The following BCAR3 variants were observed in gnomAD, a reference collection of about 807,000 sequenced individuals.
BCAR3 encodes BCAR3 adaptor protein, NSP family member, also known as breast cancer anti-estrogen resistance protein 3.
In BCAR3, 37 loss-of-function variants were observed where a neutral mutation model predicts 80.1. That is an observed-to-expected ratio of 0.46 (90% CI 0.36 to 0.61). The LOEUF is 0.61. Among genes scored for constraint, BCAR3 ranks in the 20% least tolerant of loss-of-function variants. The pLI is 0.00. For missense variants in BCAR3, 978 were observed against 1,068.2 expected, an observed-to-expected ratio of 0.92 and a Z score of 1.18; for synonymous variants, 389 against 418.9, an observed-to-expected ratio of 0.93 and a Z score of 0.87.
intron 2 of BCAR3, among the ~76,000 whole-genome samples, chr1:93,728,774 G>A (rs1016366722): frequency 2.0e-5 from 3 of 152,060 alleles, no homozygotes; most frequent in Non-Finnish European, 4.4e-5. Flanking sequence ...TTCCTCCACC[G>A]ATCTGCTTCT....
chr1:93,735,577 A>G (rs950428665), intron 2 of BCAR3, among the ~76,000 whole-genome samples: 1 of 152,236 alleles, frequency 6.6e-6, no homozygotes, highest in African/African-American at 2.4e-5. Flanking sequence ...ATCATTTTAT[A>G]TTTTGTAGAC....
intron 2 of BCAR3, among the ~76,000 whole-genome samples, chr1:93,836,687 G>A (rs1037710576): frequency 6.6e-6 from 1 of 151,998 alleles, no homozygotes; most frequent in Admixed American, 6.5e-5. Context: ...GGAATGTCAG[G>A]CCTGAGCCCA....
At chr1:93,752,401 A>C (rs1651589432) in intron 2 of BCAR3, among the ~76,000 whole-genome samples, 1 of 152,234 alleles carries the variant, frequency 6.6e-6, no homozygotes, top group Admixed American at 6.5e-5. Flanking sequence ...CTACCTGGGC[A>C]TTGGAAATAC....
At position 93,662,466 on chromosome 1, in the gene BCAR3, T is replaced by TA. The variant is rs1557644827; in HGVS notation, c.317+12147_317+12148insT. On this transcript the variant is annotated intron_variant, in intron 2 of 11. Coordinates refer to ENST00000260502, the MANE Select transcript of BCAR3 (RefSeq NM_003567.4). Reference sequence around the variant, plus strand: ...TCAAAATACCAAGATCTCTTTTTTTTTAAAAAAAAATCTCATTTCTGTTGC... The same window carrying TA: ...TCAAAATACCAAGATCTCTTTTTTTTATAAAAAAAAATCTCATTTCTGTTGC... 1.6e-4 allele frequency among the ~76,000 whole-genome samples: 25 copies of TA among 152,142 alleles called. 1 individual carries two copies. The East Asian group carries it at 2.3e-3, about 14-fold the overall frequency.
At chr1:93,817,180 C>G (rs1255252254) in intron 2 of BCAR3, among the ~76,000 whole-genome samples, 1 of 152,206 alleles carries the variant, frequency 6.6e-6, no homozygotes, top group Non-Finnish European at 1.5e-5. Flanking sequence ...CATGTTTCTG[C>G]AGGAGTTTGA....
At chr1:93,790,786 A>G (rs1325010001) in intron 2 of BCAR3, among the ~76,000 whole-genome samples, 1 of 104,652 alleles carries the variant, frequency 9.6e-6, no homozygotes, top group African/African-American at 4.4e-5. Context: ...TATATCTCCC[A>G]ATGCTATCCC....
At chr1:93,590,042 C>A (rs578228910) in intron 4 of BCAR3, among the ~76,000 whole-genome samples, 6 of 152,120 alleles carry the variant, frequency 3.9e-5, no homozygotes, top group Non-Finnish European at 8.8e-5. Context: ...CAGGCCTGGC[C>A]AGTGGGGAGG....
intron 2 of BCAR3, among the ~76,000 whole-genome samples, chr1:93,758,126 G>A (rs1366860070): frequency 3.9e-5 from 6 of 152,194 alleles, no homozygotes; most frequent in Non-Finnish European, 7.3e-5. Flanking sequence ...GGGAAGGACC[G>A]ACCCATCAGC....
At chr1:93,822,104 T>C (rs1325165560) in intron 2 of BCAR3, among the ~76,000 whole-genome samples, 1 of 151,716 alleles carries the variant, frequency 6.6e-6, no homozygotes, top group African/African-American at 2.4e-5. Context: ...CCAGAAACAG[T>C]GTGGGCAAAG....
chr1:93,656,258 C>G (rs1283277213), intron 2 of BCAR3, among the ~76,000 whole-genome samples: 1 of 151,898 alleles, frequency 6.6e-6, no homozygotes, highest in Non-Finnish European at 1.5e-5. Context: ...TTTCCTTTCT[C>G]TCAATTTTCT....
intron 2 of BCAR3, among the ~76,000 whole-genome samples, chr1:93,830,314 A>AGCTGGGCG (rs1480779186): frequency 6.6e-6 from 1 of 152,176 alleles, no homozygotes; most frequent in Non-Finnish European, 1.5e-5. Flanking sequence ...TACAAAAATT[A>AGCTGGGCG]GCTGGGCGTG....
At chr1:93,686,453 T>C (rs997557428), upstream of BCAR3, among the ~76,000 whole-genome samples, 6 of 152,238 alleles carry the variant, frequency 3.9e-5, no homozygotes, top group African/African-American at 1.4e-4. Context: ...ACAATTACGA[T>C]AACATTAGCT....
At position 93,576,117 on chromosome 1, in the gene BCAR3, G is replaced by A. The variant is rs776904312; in HGVS notation, c.1699C>T (p.Leu567Phe). The change falls in exon 8 of 12, where the codon CTT becomes TTT. Residue 567 changes from leucine (L) to phenylalanine (F), a missense_variant. Transcript: ENST00000260502. ...CTCCTCATCTCTTCAGAGACTCCAA[G>A]TATCCTAGCAACCTGTCAAGAGCCA... The part of the protein sequence containing the change: ...LSMDCRVARI[L>F]GVSEEMRRNM... 3.1e-6 allele frequency: 5 copies of A among 1,614,010 alleles called. No homozygotes were observed. In the East Asian group the frequency reaches 1.1e-4, roughly 36 times the overall value.
intron 3 of BCAR3, among the ~76,000 whole-genome samples, chr1:93,619,100 ATTT>A (rs34715455): frequency 0.011 from 1,431 of 126,714 alleles, 23 homozygotes; most frequent in African/African-American, 0.041. Context: ...CACCACGCCA[ATTT>A]TTTTTTTTTT....
chr1:93,567,265 A>G lies in BCAR3; in HGVS notation c.2299+14T>C, dbSNP rs1024376865. 6 of 1,613,136 alleles carry G rather than the reference A, an allele frequency of 3.7e-6. No homozygotes were observed. The highest frequency in any genetic ancestry group is 5.1e-6 in the Non-Finnish European group (6 of 1,179,764). ...TACAGTGTTAGAGAACAGCTTACAA[A>G]ACCCATCTCTTACCTGCCAGGATCC... On this transcript the variant is annotated intron_variant, in intron 11 of 11. Transcript: ENST00000260502.
upstream of BCAR3, among the ~76,000 whole-genome samples, chr1:93,684,573 C>T (rs1648907330): frequency 6.6e-6 from 1 of 152,202 alleles, no homozygotes; most frequent in South Asian, 2.1e-4. Context: ...AGATAGGAGG[C>T]ATCTCTATCC....
chr1:93,742,763 A>G (rs573821138), intron 2 of BCAR3, among the ~76,000 whole-genome samples: 54 of 152,234 alleles, frequency 3.5e-4, no homozygotes, highest in Non-Finnish European at 6.6e-4. Flanking sequence ...ATTATTTTAC[A>G]AATTGAAACA....
intron 9 of BCAR3, chr1:93,568,185 CAA>C (rs766506956): frequency 2.2e-4 from 28 of 128,194 alleles, no homozygotes; most frequent in Admixed American, 4.1e-4. Flanking sequence ...GACCCTGTCT[CAA>C]AAAAAAAAAA....
intron 11 of BCAR3, among the ~76,000 whole-genome samples, chr1:93,565,772 G>A (rs1672921439): frequency 6.6e-6 from 1 of 152,192 alleles, no homozygotes; most frequent in African/African-American, 2.4e-5. Context: ...ACAGCAGATG[G>A]TGCAAACGAC....
Sources: allele counts gnomAD v4.1 joint callset (sites outside exome capture counted in the v4.1 genomes callset), GRCh38; gene constraint gnomAD v4.1.1; transcripts MANE v1.5; gene names NCBI Gene and HGNC (gene_info 2026-07-23, HGNC 2026-07-21).